Variants in ZAN observed in about 807,000 individuals in gnomAD.
The protein encoded by ZAN is zonadhesin (gene/pseudogene).
ZAN carries 260 observed loss-of-function variants against 286.2 expected under a neutral mutation model. The ratio of observed to expected loss-of-function variants is 0.91; its 90% CI spans 0.82 to 1.01. ZAN has a LOEUF of 1.01. ZAN is among the 50% of genes least tolerant of loss of function. ZAN has a pLI of 0.00. For missense variants in ZAN, 3,410 were observed against 3,639.2 expected, an observed-to-expected ratio of 0.94 and a Z score of 1.62; for synonymous variants, 1,368 against 1,417.5, an observed-to-expected ratio of 0.97 and a Z score of 0.79.
At position 100,750,845 on chromosome 7, in the gene ZAN, C is replaced by G. The variant is rs1808610854; in HGVS notation, c.1470C>G (p.Tyr490Ter). The G allele has an allele frequency of 6.3e-7, 1 of 1,587,076 alleles. No individual in the cohort carries two copies. Among genetic ancestry groups the G allele is most frequent in the East Asian group, 2.2e-5 (1 of 44,588 alleles). Residue 490 changes from tyrosine to a stop codon, truncating the protein, a stop_gained, in exon 12 of 48, where the codon TAC becomes TAG. Coordinates refer to ENST00000613979, the MANE Select transcript of ZAN (RefSeq NM_003386.3). LOFTEE classifies it high-confidence loss of function. ...AACGCGTGGGGTCTCAGCGCCCTTA[C>G]TGGCAGAACACCTCCGTCACCGTCC... ...LWKRVGSQRP[Y>*]WQNTSVTVPS...
In ZAN at chr7:100,736,497, T is replaced by C. The variant is rs1807299471; in HGVS notation, c.121T>C (p.Cys41Arg). The change falls in exon 4 of 48, where the codon TGT becomes CGT. Residue 41 changes from cysteine to arginine, a missense_variant. By Grantham distance (180) the Cys-to-Arg change is radical. Transcript: ENST00000613979. ...ATTCTTCCTAGATGTCCTCACCCAG[T>C]GTGATTTTGAGGATGACGCCAAACC... ...SSRDNYVLTQ[C>R]DFEDDAKPLC... is the part of the protein sequence containing the mutation. 6.6e-7 allele frequency: 1 copy of C among 1,523,426 alleles called. No homozygotes were observed. Among genetic ancestry groups the C allele is most frequent in the Admixed American group, 1.7e-5 (1 of 57,572 alleles). The allele number at this position is 1,523,426 out of a possible 1,614,324, so 94.4% of individuals were successfully genotyped here.
intron 7 of ZAN, among the ~76,000 whole-genome samples, chr7:100,746,036 C>T (rs938344673): frequency 1.3e-5 from 2 of 151,784 alleles, no homozygotes; most frequent in African/African-American, 4.8e-5. Context: ...CCAGCCTGGG[C>T]AATGTGGTGA....
chr7:100,777,831 A>T (rs534729138), intron 34 of ZAN, among the ~76,000 whole-genome samples: 1 of 151,602 alleles, frequency 6.6e-6, no homozygotes, highest in Non-Finnish European at 1.5e-5. Flanking sequence ...GGCTCAAATG[A>T]TCCTCCCGCC....
chr7:100,764,280 G>A lies in ZAN; in HGVS notation c.4267+84G>A, dbSNP rs1331534424. 22 of 1,411,018 alleles carry A rather than the reference G, an allele frequency of 1.6e-5. No individual in the cohort carries two copies. The South Asian group carries it at 2.3e-4, about 15-fold the overall frequency. 87.4% of individuals were successfully genotyped at this position (1,411,018 alleles called of 1,614,324 possible). On this transcript the variant is annotated intron_variant, in intron 22 of 47. Transcript: ENST00000613979. ...AGCACTTTGGGAGTCCGAGGCAGGTGGATCATGAGATCAGGAGTTTGGGAC... is the reference window on the plus strand; with the variant it reads ...AGCACTTTGGGAGTCCGAGGCAGGTAGATCATGAGATCAGGAGTTTGGGAC...
At chr7:100,792,313 T>TTG in intron 41 of ZAN, 92 bp from the exon 42 acceptor site, 1 of 1,519,018 alleles carries the variant, frequency 6.6e-7, no homozygotes, top group Non-Finnish European at 8.8e-7. Flanking sequence ...ACTGATGTCT[T>TTG]TCTGTTTGGG....
Position 100,792,488 on chromosome 7 carries a change from T to A in ZAN, c.7787+9T>A, listed in dbSNP as rs369440444. ...TGCCAGGTCCTCAGTGGGTACGCCATCCTCTGCCAGGAGGCGGGCGCTGCC... is the reference window on the plus strand; with the variant it reads ...TGCCAGGTCCTCAGTGGGTACGCCAACCTCTGCCAGGAGGCGGGCGCTGCC... On this transcript the variant is annotated intron_variant, in intron 42 of 47. Transcript: ENST00000613979. 49 of 1,613,728 alleles carry A rather than the reference T, an allele frequency of 3.0e-5. No homozygotes were observed. Among genetic ancestry groups the A allele is most frequent in the Non-Finnish European group, 3.9e-5 (46 of 1,179,864 alleles).
At position 100,791,986 on chromosome 7, in the gene ZAN, A is replaced by G. The variant is rs761550921; in HGVS notation, c.7550A>G (p.Glu2517Gly). ...TGCAGGGCTATACCAGCGGAGGAGG[A>G]GGGACAAGGGGCGGAGCTGGGCCTC... ...RFPRAIPAEE[E>G]GQGAELGLRT... is the part of the protein sequence containing the mutation. The change falls in exon 41 of 48, where the codon GAG becomes GGG. Residue 2517 changes from glutamate to glycine, a missense_variant. Glu to Gly is a moderately conservative substitution (Grantham distance 98). Transcript: ENST00000613979. The G allele has an allele frequency of 3.1e-6, 5 of 1,612,708 alleles. No individual in the cohort carries two copies. Among genetic ancestry groups the G allele is most frequent in the African/African-American group, 2.7e-5 (2 of 74,866 alleles).
At position 100,794,299 on chromosome 7, in the gene ZAN, C is replaced by T. The variant is rs77752321; in HGVS notation, c.8125+41C>T. The T allele has an allele frequency of 0.011, 16,672 of 1,551,166 alleles. 858 individuals carry two copies. The African/African-American group carries it at 0.15, about 14-fold the overall frequency. ...TGCCCGGTTCCAAGCTGCCCCATGC[C>T]CTGGGGCGTCCATGGACCAAGGATC... On this transcript the variant is annotated intron_variant, in intron 44 of 47. Coordinates refer to ENST00000613979, the MANE Select transcript of ZAN (RefSeq NM_003386.3).
chr7:100,792,459 G>A lies in ZAN; in HGVS notation c.7767G>A (p.Leu2589=). Residue 2589 remains leucine, a synonymous_variant, in exon 42 of 48, where the codon CTG becomes CTA. Transcript: ENST00000613979. ...SAQDPREQEE[L]RCQVLSGHGV... ...AGGACCCAAGAGAGCAAGAGGAGCT[G>A]CGTTGCCAGGTCCTCAGTGGGTACG... is the stretch of plus-strand genomic sequence containing the variant. 1 of 1,613,894 alleles carries A rather than the reference G, an allele frequency of 6.2e-7. No individual in the cohort carries two copies. The highest frequency in any genetic ancestry group is 8.5e-7 in the Non-Finnish European group (1 of 1,179,874).
At chr7:100,785,946 G>T in intron 36 of ZAN, 51 bp from the exon 37 acceptor site, 1 of 1,566,492 alleles carries the variant, frequency 6.4e-7, no homozygotes. Context: ...GGCGTGAGCC[G>T]CCGCGCCCAG....
Position 100,759,778 on chromosome 7 carries a change from G to T in ZAN, c.3629G>T (p.Cys1210Phe). Residue 1210 changes from cysteine (C) to phenylalanine (F), a missense_variant, in exon 18 of 48, where the codon TGC becomes TTC. Transcript: ENST00000613979. ...NEEQGQEGVSCLSKVYVTLPE... is the reference protein window; with the variant it reads ...NEEQGQEGVSFLSKVYVTLPE... ...GAGCAGGGACAGGAAGGCGTGTCCT[G>T]CCTGAGCAAAGTCTACGTGACCCTG... The T allele has an allele frequency of 6.2e-7, 1 of 1,604,920 alleles. No homozygotes were observed. Among genetic ancestry groups the T allele is most frequent in the African/African-American group, 1.3e-5 (1 of 74,724 alleles).
Position 100,784,525 on chromosome 7 carries a change from CTTG to C in ZAN, c.6623-94_6623-92del, listed in dbSNP as rs1054194340. 3.3e-4 allele frequency: 402 copies of C among 1,221,634 alleles called. 4 individuals are homozygous for C. Among genetic ancestry groups the C allele is most frequent in the South Asian group, 1.3e-4 (9 of 69,902 alleles). The allele number at this position is 1,221,634 out of a possible 1,614,324, so 75.7% of individuals were successfully genotyped here. On this transcript the variant is annotated intron_variant, in intron 35 of 47. Coordinates refer to ENST00000613979, the MANE Select transcript of ZAN (RefSeq NM_003386.3). ...AAAGAACAAAAAAAGCTCCCCAAGC[CTTG>C]TTGGTCATCCACCCATAGCTTGGTT...
intron 29 of ZAN, 59 bp downstream of exon 29, chr7:100,772,079 C>A: frequency 2.0e-6 from 3 of 1,464,936 alleles, no homozygotes; most frequent in Non-Finnish European, 2.7e-6. Context: ...TTCTGCCCTC[C>A]CTTTCTTCCT....
Position 100,748,126 on chromosome 7 carries a change from T to A in ZAN, c.1024-11T>A. ...TGTGCTCACTCCTGCTCCATCTCCC[T>A]TTCTCTCCAGTTTGCCGTGGTAGGC... On this transcript the variant is annotated splice_polypyrimidine_tract_variant and intron_variant, in intron 9 of 47. Transcript: ENST00000613979. 2 of 1,613,302 alleles carry A rather than the reference T, an allele frequency of 1.2e-6. No individual in the cohort carries two copies. The highest frequency in any genetic ancestry group is 1.7e-6 in the Non-Finnish European group (2 of 1,179,408).
At position 100,773,383 on chromosome 7, in the gene ZAN, C is replaced by G. The variant is rs1290895156; in HGVS notation, c.5524C>G (p.Leu1842Val). 1.2e-6 allele frequency: 2 copies of G among 1,613,928 alleles called. No homozygotes were observed. Among genetic ancestry groups the G allele is most frequent in the Admixed American group, 1.7e-5 (1 of 59,994 alleles). The part of the protein sequence containing the change: ...INNPRDCPKA[L>V]PCAESCECQK... ...CAACCCGAGGGACTGCCCCAAAGCA[C>G]TGCCCTGTGCTGAGAGCTGTGAATG... Residue 1842 changes from leucine (L) to valine (V), a missense_variant, in exon 30 of 48, where the codon CTG becomes GTG. Physicochemically the swap from Leu to Val is conservative, Grantham distance 32. This residue lies in a region of ZAN where 1,289 missense variants were observed against 1,314.3 expected (regional missense o/e 0.98). Coordinates refer to ENST00000613979, the MANE Select transcript of ZAN (RefSeq NM_003386.3).
chr7:100,743,693 A>T (rs1807976424), intron 7 of ZAN, among the ~76,000 whole-genome samples: 1 of 151,458 alleles, frequency 6.6e-6, no homozygotes, highest in Non-Finnish European at 1.5e-5. Context: ...CCTGGAACAT[A>T]TAGTGAGATC....
Position 100,765,520 on chromosome 7 carries a change from G to A in ZAN, c.4436G>A (p.Cys1479Tyr). ...SGLECIPRSQ[C>Y]GCLHPAGSYF... ...CTCGAGTGCATACCTCGCTCCCAGT[G>A]TGGGTGCCTCCACCCTGCAGGCAGC... Residue 1479 changes from cysteine (C) to tyrosine (Y), a missense_variant, in exon 23 of 48, where the codon TGT (cysteine) becomes TAT (tyrosine). Physicochemically the swap from Cys to Tyr is radical, Grantham distance 194. Transcript: ENST00000613979. 5 of 1,609,958 alleles carry A rather than the reference G, an allele frequency of 3.1e-6. No homozygotes were observed. The highest frequency in any genetic ancestry group is 4.2e-6 in the Non-Finnish European group (5 of 1,178,172).
At chr7:100,759,092 G>T (rs560462850) in intron 17 of ZAN, among the ~76,000 whole-genome samples, 1 of 152,110 alleles carries the variant, frequency 6.6e-6, no homozygotes, top group East Asian at 1.9e-4. Context: ...AGGCTTGGTG[G>T]CAGGCACCTG....
Position 100,762,375 on chromosome 7 carries a change from C to G in ZAN, c.3986+17C>G. On this transcript the variant is annotated intron_variant, in intron 20 of 47. Transcript: ENST00000613979. ...GGACCAGGAGTGAGCAAGGAGCCCTCCCACCGGGGCCCTGGGAAGGTTCCG... is the reference window on the plus strand; with the variant it reads ...GGACCAGGAGTGAGCAAGGAGCCCTGCCACCGGGGCCCTGGGAAGGTTCCG... 6.3e-7 allele frequency: 1 copy of G among 1,593,846 alleles called. No homozygotes were observed. The highest frequency in any genetic ancestry group is 8.6e-7 in the Non-Finnish European group (1 of 1,169,064).
Sources: allele counts gnomAD v4.1 joint callset (sites outside exome capture counted in the v4.1 genomes callset), GRCh38; gene constraint gnomAD v4.1.1; regional missense constraint gnomAD v4.1.1; transcripts MANE v1.5; gene names NCBI Gene and HGNC (gene_info 2026-07-23, HGNC 2026-07-21).